Variants in NPHS1 observed in about 807,000 individuals in gnomAD.
The protein encoded by NPHS1 is nephrin.
Under a neutral mutation model 139.7 loss-of-function variants are expected in NPHS1, and 107 were observed. The ratio of observed to expected loss-of-function variants is 0.77; its 90% confidence interval spans 0.66 to 0.90. The LOEUF (loss-of-function observed/expected upper bound fraction) is 0.90, where lower values mean the gene tolerates loss of function less well. Ranked by LOEUF, NPHS1 falls within the 40% of genes least tolerant of loss-of-function variation. The pLI is 0.00. For missense variants in NPHS1, 1,580 were observed against 1,654.2 expected (o/e 0.96, Z 0.78); for synonymous variants, 707 against 706.6 (o/e 1.00, Z -0.01).
intron 18 of NPHS1, 27 bp downstream of exon 18, chr19:35,842,352 G>A: frequency 6.2e-7 from 1 of 1,611,592 alleles, no homozygotes; most frequent in Non-Finnish European, 8.5e-7. Flanking sequence ...GGCAGGTCTT[G>A]AAGTCAGGTG....
In NPHS1 at chr19:35,845,551, G is replaced by T; in HGVS notation, c.1758-11C>A. The T allele has an allele frequency of 6.2e-7, 1 of 1,611,330 alleles. No individual in the cohort carries two copies. The highest frequency in any genetic ancestry group is 8.5e-7 in the Non-Finnish European group (1 of 1,178,902). ...GCCACGCCCTCCAGCCTGTGGAACC[G>T]GGGTCAAGCCAGGGCTGCGAGCGGA... On this transcript the variant is annotated splice_polypyrimidine_tract_variant and intron_variant, in intron 13 of 28. Coordinates refer to ENST00000378910, the MANE Select transcript of NPHS1 (RefSeq NM_004646.4). This position sits in a 1 kb window ranked among gnomAD's most constrained non-coding sequence, Gnocchi z 5.5.
intron 23 of NPHS1, among the ~76,000 whole-genome samples, chr19:35,833,804 C>T (rs933645014): frequency 6.6e-6 from 1 of 152,202 alleles, no homozygotes; most frequent in African/African-American, 2.4e-5. Context: ...TCAATCAATC[C>T]TCCCGCATCA....
At position 35,849,013 on chromosome 19, in the gene NPHS1, T is replaced by G; in HGVS notation, c.975A>C (p.Ala325=). 6.2e-7 allele frequency: 1 copy of G among 1,612,332 alleles called. No individual in the cohort carries two copies. The highest frequency in any genetic ancestry group is 8.5e-7 in the Non-Finnish European group (1 of 1,180,024). Residue 325 remains alanine, a synonymous_variant, in exon 8 of 29, where the codon GCA becomes GCC. Transcript: ENST00000378910. The part of the protein sequence containing the change: ...LSCEAHNSVS[A]GTQEHGITLQ... Reference sequence around the variant, plus strand: ...GTGTGATGCCGTGCTCCTGGGTCCCTGCAGACACGCTGTTGTGGGCCTCGC... The same window carrying G: ...GTGTGATGCCGTGCTCCTGGGTCCCGGCAGACACGCTGTTGTGGGCCTCGC...
rs1973022957 is a variant in NPHS1 at position 35,839,491 on chromosome 19, C to T, written c.2927+5G>A. ...CCCTTCCCTCCTGCCTCGACAAGGACCCACCTGATGCAGAACCTCTGTGGC... is the reference window on the plus strand; with the variant it reads ...CCCTTCCCTCCTGCCTCGACAAGGATCCACCTGATGCAGAACCTCTGTGGC... On this transcript the variant is annotated splice_donor_5th_base_variant and intron_variant, in intron 21 of 28. Coordinates refer to ENST00000378910, the MANE Select transcript of NPHS1 (RefSeq NM_004646.4). 5 of 1,613,882 alleles carry T rather than the reference C, an allele frequency of 3.1e-6. No individual in the cohort carries two copies. The highest frequency in any genetic ancestry group is 4.2e-6 in the Non-Finnish European group (5 of 1,179,764).
intron 17 of NPHS1, 95 bp downstream of exon 17, chr19:35,843,377 T>A: frequency 6.9e-7 from 1 of 1,452,056 alleles, no homozygotes; most frequent in Non-Finnish European, 9.7e-7. Flanking sequence ...ATAAGGGTCA[T>A]ACAGATGTAT....
rs1972798607 is a variant in NPHS1 at position 35,826,196 on chromosome 19, C to T, written c.*318G>A. 1 of 313,176 alleles carries T rather than the reference C, an allele frequency of 3.2e-6. No homozygotes were observed. The highest frequency in any genetic ancestry group is 6.3e-6 in the Non-Finnish European group (1 of 158,986). 19.4% of individuals were successfully genotyped at this position (313,176 alleles called of 1,614,324 possible). On this transcript the variant is annotated 3_prime_UTR_variant, in exon 29 of 29. Transcript: ENST00000378910. ...TCCTGACCTCAGGTGATCCACCCGCCTCAGCCTCCCAAAGTGCTGGGATTA... is the reference window on the plus strand; with the variant it reads ...TCCTGACCTCAGGTGATCCACCCGCTTCAGCCTCCCAAAGTGCTGGGATTA...
rs1972791470 is a variant in NPHS1 at position 35,825,611 on chromosome 19, G to A, written c.*903C>T. On this transcript the variant is annotated 3_prime_UTR_variant, in exon 29 of 29. Coordinates refer to ENST00000378910, the MANE Select transcript of NPHS1 (RefSeq NM_004646.4). Reference sequence around the variant, plus strand: ...CTCTCTGCCACCGTAGATTAGTTTTGCCTATTTTAGAATTTCTATAAACGA... The same window carrying A: ...CTCTCTGCCACCGTAGATTAGTTTTACCTATTTTAGAATTTCTATAAACGA... Among the ~76,000 whole-genome samples, 1 of 152,036 alleles carries A rather than the reference G, an allele frequency of 6.6e-6. No homozygotes were observed. The highest frequency in any genetic ancestry group is 6.6e-5 in the Admixed American group (1 of 15,264).
In NPHS1 at chr19:35,849,141, G is replaced by A; in HGVS notation, c.847C>T (p.Gln283Ter). Reference protein sequence around the residue: ...LATLQWLKNGQPVSTAWGTEH... With the variant: ...LATLQWLKNG ...GTGCCCCACGCTGTGGACACCGGCTGGCCATTCTGGAGACAGGGACAGGCC... is the reference window on the plus strand; with the variant it reads ...GTGCCCCACGCTGTGGACACCGGCTAGCCATTCTGGAGACAGGGACAGGCC... Residue 283 changes from glutamine (Q) to a stop codon, truncating the protein, a stop_gained, in exon 8 of 29, where the codon CAG becomes TAG. Coordinates refer to ENST00000378910, the MANE Select transcript of NPHS1 (RefSeq NM_004646.4). LOFTEE classifies it high-confidence loss of function. The A allele has an allele frequency of 6.2e-7, 1 of 1,610,532 alleles. No individual in the cohort carries two copies. The highest frequency in any genetic ancestry group is 8.5e-7 in the Non-Finnish European group (1 of 1,180,018).
intron 20 of NPHS1, among the ~76,000 whole-genome samples, chr19:35,841,329 C>A (rs888933028): frequency 1.3e-5 from 2 of 151,976 alleles, no homozygotes; most frequent in African/African-American, 4.8e-5. Context: ...GCCAAGATCG[C>A]GCCATCGCAC....
chr19:35,844,037 T>C, intron 16 of NPHS1, 66 bp downstream of exon 16: 1 of 1,579,602 alleles, frequency 6.3e-7, no homozygotes, highest in Non-Finnish European at 8.6e-7. Flanking sequence ...GCTCCCACAA[T>C]GAGGAGACTC....
Position 35,830,940 on chromosome 19 carries a change from A to C in NPHS1, c.3498T>G (p.Asp1166Glu), listed in dbSNP as rs1334846654. ...AGTGCCCAGGGAAGGCCATATCCTC[A>C]TCTTCACCTGTGAAACCTGGAGTTG... ...VSYSRGFTGE[D>E]EDMAFPGHLY... The change falls in exon 28 of 29, where the codon GAT becomes GAG. Residue 1166 changes from aspartate to glutamate, a missense_variant. Coordinates refer to ENST00000378910, the MANE Select transcript of NPHS1 (RefSeq NM_004646.4). 1 of 1,613,506 alleles carries C rather than the reference A, an allele frequency of 6.2e-7. No homozygotes were observed. Among genetic ancestry groups the C allele is most frequent in the African/African-American group, 1.3e-5 (1 of 75,020 alleles).
At position 35,845,818 on chromosome 19, in the gene NPHS1, GA is replaced by G; in HGVS notation, c.1628-21del. 9 of 1,610,134 alleles carry G rather than the reference GA, an allele frequency of 5.6e-6. No individual in the cohort carries two copies. The highest frequency in any genetic ancestry group is 7.6e-6 in the Non-Finnish European group (9 of 1,177,318). On this transcript the variant is annotated intron_variant, in intron 12 of 28. Transcript: ENST00000378910. The surrounding 1 kb of genome is among the most constrained non-coding windows in gnomAD (Gnocchi z 5.5). ...GGGGAACTGGGAGACGGGGTTGGAG[GA>G]GCGAGACTCAGAGGTTAGGGGCGGC...
At chr19:35,843,980 C>T (rs1973097021) in intron 16 of NPHS1, 123 bp downstream of exon 16, 2 of 1,387,976 alleles carry the variant, frequency 1.4e-6, no homozygotes, top group Non-Finnish European at 2.0e-6. Context: ...CTGGGACTTC[C>T]AGAACGGGAG....
chr19:35,850,980 A>T lies in NPHS1; in HGVS notation c.507T>A (p.Pro169=). 1 of 1,614,112 alleles carries T rather than the reference A, an allele frequency of 6.2e-7. No homozygotes were observed. Among genetic ancestry groups the T allele is most frequent in the Non-Finnish European group, 8.5e-7 (1 of 1,180,022 alleles). ...ACTCACTCAGGAGAATGGTGATGTCAGGTGCTGGCTTCGCGTCCCCAGACA... is the reference window on the plus strand; with the variant it reads ...ACTCACTCAGGAGAATGGTGATGTCTGGTGCTGGCTTCGCGTCCCCAGACA... ...NCVSGDAKPA[P]DITILLSGQT... Residue 169 remains proline, a synonymous_variant, in exon 4 of 29, where the codon CCT becomes CCA. Coordinates refer to ENST00000378910, the MANE Select transcript of NPHS1 (RefSeq NM_004646.4).
chr19:35,828,712 C>A (rs566592698), intron 28 of NPHS1, among the ~76,000 whole-genome samples: 1 of 152,354 alleles, frequency 6.6e-6, no homozygotes, highest in East Asian at 1.9e-4. Context: ...TCGTCTATGG[C>A]TGCTTTTACT....
chr19:35,841,428 G>C (rs2146818644), intron 20 of NPHS1, among the ~76,000 whole-genome samples: 1 of 152,236 alleles, frequency 6.6e-6, no homozygotes, highest in South Asian at 2.1e-4. Context: ...GCTGATGGCA[G>C]CTGAACCTAG....
In NPHS1 at chr19:35,831,291, C is replaced by T. The variant is rs756599965; in HGVS notation, c.3387+5G>A. The T allele has an allele frequency of 1.2e-6, 2 of 1,613,972 alleles. No homozygotes were observed. On this transcript the variant is annotated splice_donor_5th_base_variant and intron_variant, in intron 26 of 28. Coordinates refer to ENST00000378910, the MANE Select transcript of NPHS1 (RefSeq NM_004646.4). ...TGTGGGGTCACCAGGGCCACCCCCA[C>T]TTACCGTGGAGCTCTGAGTGTCCCG...
chr19:35,840,152 C>T (rs1051403657), intron 20 of NPHS1, among the ~76,000 whole-genome samples: 1 of 150,632 alleles, frequency 6.6e-6, no homozygotes, highest in South Asian at 2.1e-4. Context: ...TACAGGTGCC[C>T]GCCACCATGC....
At chr19:35,850,893 G>A in intron 4 of NPHS1, 68 bp downstream of exon 4, 1 of 1,590,712 alleles carries the variant, frequency 6.3e-7, no homozygotes, top group Non-Finnish European at 8.6e-7. Context: ...GTACTGGTCA[G>A]GAACACACAC....
Sources: allele counts gnomAD v4.1 joint callset (sites outside exome capture counted in the v4.1 genomes callset), GRCh38; gene constraint gnomAD v4.1.1; non-coding constraint Gnocchi (gnomAD v3.1); transcripts MANE v1.5; gene names NCBI Gene and HGNC (gene_info 2026-07-23, HGNC 2026-07-21).